The following DRGX variants were observed in gnomAD, a reference collection of about 807,000 sequenced individuals.
The protein encoded by DRGX is dorsal root ganglia homeobox, also known as dorsal root ganglia homeobox protein.
A neutral mutation model predicts 28.6 loss-of-function variants in DRGX; 21 were observed. That is an observed-to-expected ratio of 0.73 (90% CI 0.52 to 1.06). DRGX has a LOEUF of 1.06. DRGX is among the 50% of genes least tolerant of loss of function. DRGX has a pLI of 0.00. For missense variants in DRGX, 354 were observed against 343.9 expected, an observed-to-expected ratio of 1.03 and a Z score of -0.23; for synonymous variants, 136 against 139.1, an observed-to-expected ratio of 0.98 and a Z score of 0.16.
At chr10:49,390,281 G>A in intron 3 of DRGX, 47 bp from the exon 4 acceptor site, 4 of 1,509,432 alleles carry the variant, frequency 2.7e-6, no homozygotes, top group Non-Finnish European at 3.6e-6. Flanking sequence ...GTGGCTAGGT[G>A]AGGGGAAGCA....
At chr10:49,388,046 C>A (rs955349504) in intron 4 of DRGX, among the ~76,000 whole-genome samples, 15 of 152,226 alleles carry the variant, frequency 9.9e-5, no homozygotes, top group African/African-American at 3.4e-4. Context: ...TAAACACGTA[C>A]TCATGTCATC....
intron 6 of DRGX, among the ~76,000 whole-genome samples, chr10:49,381,740 C>T (rs1229386588): frequency 6.6e-6 from 1 of 152,184 alleles, no homozygotes; most frequent in Non-Finnish European, 1.5e-5. Context: ...TGGTGCAGCA[C>T]AGAACAGCCT....
In DRGX at chr10:49,365,854, C is replaced by T; in HGVS notation, c.*262G>A. On this transcript the variant is annotated 3_prime_UTR_variant, in exon 7 of 7. Transcript: ENST00000374139. ...CTGGATGGAAATCCCAGGGAGGCTC[C>T]TCACAGAGAGGGCTCTGCTGCCACC... is the stretch of plus-strand genomic sequence containing the variant. 1 of 357,946 alleles carries T rather than the reference C, an allele frequency of 2.8e-6. No homozygotes were observed. The highest frequency in any genetic ancestry group is 4.9e-6 in the Non-Finnish European group (1 of 202,236). The allele number at this position is 357,946 out of a possible 1,614,324, so 22.2% of individuals were successfully genotyped here. A position where few individuals can be genotyped will look rare whatever the true frequency, so the allele number is the denominator to read the frequency against.
chr10:49,395,064 A>C (rs1229309982), intron 2 of DRGX, among the ~76,000 whole-genome samples: 4 of 152,220 alleles, frequency 2.6e-5, no homozygotes, highest in African/African-American at 9.6e-5. Context: ...TTGCAGAAGC[A>C]CCGTGAAAGA....
intron 6 of DRGX, 133 bp from the exon 7 acceptor site, chr10:49,366,514 G>T: frequency 7.7e-7 from 1 of 1,304,294 alleles, no homozygotes; most frequent in Non-Finnish European, 1.0e-6. Context: ...AAAGGGAGAA[G>T]GACAAGTGCT....
chr10:49,389,646 C>T (rs1414551180), intron 4 of DRGX, among the ~76,000 whole-genome samples: 2 of 152,120 alleles, frequency 1.3e-5, no homozygotes, highest in Non-Finnish European at 2.9e-5. Flanking sequence ...TTTTAAATTG[C>T]ACATCTTCTT....
chr10:49,375,860 G>T (rs1351603566), intron 6 of DRGX, among the ~76,000 whole-genome samples: 1 of 152,148 alleles, frequency 6.6e-6, no homozygotes, highest in African/African-American at 2.4e-5. Context: ...TCCAGCAGCA[G>T]CCAGAGCTCG....
chr10:49,394,881 G>C (rs1268530335), intron 2 of DRGX, among the ~76,000 whole-genome samples: 1 of 152,220 alleles, frequency 6.6e-6, no homozygotes, highest in Admixed American at 6.5e-5. Context: ...GGGACGGCCA[G>C]GAGGCCGGGA....
At chr10:49,391,929 A>G (rs1348346331) in intron 2 of DRGX, 3 of 480,570 alleles carry the variant, frequency 6.2e-6, no homozygotes, top group African/African-American at 5.9e-5. Flanking sequence ...CTGAATGCCA[A>G]GCAGACTTGA....
At position 49,366,184 on chromosome 10, in the gene DRGX, G is replaced by T. The variant is rs1195902205; in HGVS notation, c.724C>A (p.Pro242Thr). ...SSPGPVAKPA[P>T]PDGSQEKTSP... ...GTCTTTTCCTGGCTGCCATCTGGGG[G>T]CGCCGGCTTGGCGACAGGGCCGGGG... The change falls in exon 7 of 7, where the codon CCC becomes ACC. Residue 242 changes from proline to threonine, a missense_variant. Transcript: ENST00000374139. 1.9e-6 allele frequency: 3 copies of T among 1,612,920 alleles called. No individual in the cohort carries two copies. The highest frequency in any genetic ancestry group is 1.1e-5 in the South Asian group (1 of 90,984).
intron 2 of DRGX, among the ~76,000 whole-genome samples, 170 bp downstream of exon 2, chr10:49,395,237 C>A (rs964346111): frequency 6.6e-6 from 1 of 152,016 alleles, no homozygotes; most frequent in Non-Finnish European, 1.5e-5. Flanking sequence ...GGAGCTGGAG[C>A]GGGCCTGGAG....
At chr10:49,374,387 G>T (rs909714555) in intron 6 of DRGX, among the ~76,000 whole-genome samples, 1 of 152,088 alleles carries the variant, frequency 6.6e-6, no homozygotes, top group Non-Finnish European at 1.5e-5. Flanking sequence ...CATTTGTGTG[G>T]ACCAAAGTCA....
intron 6 of DRGX, among the ~76,000 whole-genome samples, chr10:49,371,928 C>T (rs545617737): frequency 7.9e-5 from 12 of 152,154 alleles, no homozygotes; most frequent in African/African-American, 2.9e-4. Flanking sequence ...ATTTCCAAGA[C>T]TGCCACAAAC....
At chr10:49,376,823 A>C (rs544991586) in intron 6 of DRGX, among the ~76,000 whole-genome samples, 1 of 152,034 alleles carries the variant, frequency 6.6e-6, no homozygotes, top group Non-Finnish European at 1.5e-5. Context: ...CTCTGGAAAG[A>C]CTTCTTCCTG....
At chr10:49,375,187 T>G (rs973812799) in intron 6 of DRGX, among the ~76,000 whole-genome samples, 1 of 152,214 alleles carries the variant, frequency 6.6e-6, no homozygotes, top group African/African-American at 2.4e-5. Flanking sequence ...CTCCTCCTCT[T>G]GTTTTATGGT....
intron 6 of DRGX, among the ~76,000 whole-genome samples, chr10:49,381,698 C>A (rs1023403889): frequency 2.0e-5 from 3 of 152,224 alleles, no homozygotes; most frequent in Non-Finnish European, 2.9e-5. Flanking sequence ...GCATTGGGAA[C>A]CCTGCATCGG....
At chr10:49,373,151 G>A (rs1203712205) in intron 6 of DRGX, among the ~76,000 whole-genome samples, 1 of 151,956 alleles carries the variant, frequency 6.6e-6, no homozygotes, top group Admixed American at 6.5e-5. Context: ...AGCTACTAAG[G>A]AAGTCATCCT....
chr10:49,391,302 C>T (rs1295752446), intron 2 of DRGX, 41 bp from the exon 3 acceptor site: 1 of 1,574,790 alleles, frequency 6.4e-7, no homozygotes, highest in African/African-American at 1.3e-5. Flanking sequence ...GGAAGGGGCC[C>T]CAGTCCTCAG....
At chr10:49,392,734 A>G (rs150421166) in intron 2 of DRGX, among the ~76,000 whole-genome samples, 46 of 152,356 alleles carry the variant, frequency 3.0e-4, no homozygotes, top group Non-Finnish European at 5.1e-4. Flanking sequence ...CAGTTCACCA[A>G]ATTAATAAAA....
Sources: gnomAD v4.1 joint callset for allele counts (sites outside exome capture counted in the v4.1 genomes callset) on GRCh38, gnomAD v4.1.1 for gene constraint, MANE v1.5 for transcripts, NCBI Gene and HGNC (gene_info 2026-07-23, HGNC 2026-07-21) for gene names.